NF2: variants seen among roughly 807,000 people sequenced by gnomAD.
NF2 encodes merlin.
In NF2, 8 loss-of-function variants were observed where a neutral mutation model predicts 83.7. The ratio of observed to expected loss-of-function variants is 0.10; its 90% CI spans 0.06 to 0.17. The LOEUF (loss-of-function observed/expected upper bound fraction) is 0.17. NF2 is among the 10% of genes least tolerant of loss of function. The pLI is 1.00. For missense variants in NF2, 533 were observed against 744.4 expected (o/e 0.72, Z 3.31); for synonymous variants, 266 against 269.6 (o/e 0.99, Z 0.13).
chr22:29,673,399 G>T lies in NF2; in HGVS notation c.1253G>T (p.Arg418Leu). 6.2e-7 allele frequency: 1 copy of T among 1,612,272 alleles called. No individual in the cohort carries two copies. Among genetic ancestry groups the T allele is most frequent in the South Asian group, 1.1e-5 (1 of 90,266 alleles). ...CAGCGCATCAAGGCCACAGCGATTC[G>T]CACGGAGGAGGAGAAGCGCCTGATG... is the stretch of plus-strand genomic sequence containing the variant. Reference protein sequence around the residue: ...EMQRIKATAIRTEEEKRLMEQ... With the variant: ...EMQRIKATAILTEEEKRLMEQ... The change falls in exon 12 of 16, where the codon CGC becomes CTC. Residue 418 changes from arginine (R) to leucine (L), a missense_variant. By Grantham distance (102) the Arg-to-Leu change is moderately radical. Coordinates refer to ENST00000338641, the MANE Select transcript of NF2 (RefSeq NM_000268.4).
intron 1 of NF2, among the ~76,000 whole-genome samples, chr22:29,615,388 C>G (rs1024826730): frequency 6.6e-6 from 1 of 152,006 alleles, no homozygotes; most frequent in Non-Finnish European, 1.5e-5. Context: ...GCCTGGGCAA[C>G]AGAGTGAGAC....
chr22:29,644,099 G>T (rs2065904183), intron 4 of NF2, among the ~76,000 whole-genome samples: 1 of 151,970 alleles, frequency 6.6e-6, no homozygotes, highest in South Asian at 2.1e-4. Context: ...TGGCTGCCGG[G>T]CGGAGGGGCT....
intron 4 of NF2, among the ~76,000 whole-genome samples, chr22:29,643,830 C>A (rs1165307706): frequency 6.6e-6 from 1 of 152,174 alleles, no homozygotes; most frequent in African/African-American, 2.4e-5. Flanking sequence ...GGGGTGGTGG[C>A]CGGGCAGAGG....
At chr22:29,617,276 A>G (rs2065105386) in intron 1 of NF2, among the ~76,000 whole-genome samples, 6 of 152,298 alleles carry the variant, frequency 3.9e-5, no homozygotes. Flanking sequence ...TTTGCCAGGA[A>G]AAGCTCTTTT....
At position 29,668,332 on chromosome 22, in the gene NF2, G is replaced by A; in HGVS notation, c.886-1G>A. The A allele has an allele frequency of 6.2e-7, 1 of 1,611,802 alleles. No individual in the cohort carries two copies. The highest frequency in any genetic ancestry group is 8.5e-7 in the Non-Finnish European group (1 of 1,178,034). ...CTTTTTGTCTGCTTCTGTGGCCACA[G>A]ATTCTCCAGCTATGTATCGGGAACC... On this transcript the variant is annotated splice_acceptor_variant, in intron 9 of 15. Transcript: ENST00000338641. LOFTEE classifies it high-confidence loss of function.
chr22:29,636,481 T>C lies in NF2; in HGVS notation c.115-270T>C, dbSNP rs1327990386. 6.6e-6 allele frequency among the ~76,000 whole-genome samples: 1 copy of C among 152,220 alleles called. No individual in the cohort carries two copies. Among genetic ancestry groups the C allele is most frequent in the Non-Finnish European group, 1.5e-5 (1 of 68,044 alleles). On this transcript the variant is annotated intron_variant, in intron 1 of 15. Transcript: ENST00000338641. This position sits in a 1 kb window ranked among gnomAD's most constrained non-coding sequence, Gnocchi z 4.4. ...TGCTTATTTACCAGCTTTCCTAAAT[T>C]AGCAGCTTTGGAGATGTTAAAATCC... is the stretch of plus-strand genomic sequence containing the variant.
At chr22:29,661,489 C>A in intron 8 of NF2, 150 bp downstream of exon 8, 1 of 1,170,138 alleles carries the variant, frequency 8.5e-7, no homozygotes, top group Non-Finnish European at 1.2e-6. Context: ...TTTTCGAAGT[C>A]TTTACAGAAC....
chr22:29,609,049 A>G lies in NF2; in HGVS notation c.114+4937A>G. The stretch of plus-strand genomic sequence containing the variant: ...TGCATGTGATGGTGTCCAAGCCAGA[A>G]CAGTGGGTAAAGCCAATGGCTATAA... On this transcript the variant is annotated intron_variant, in intron 1 of 15. Transcript: ENST00000338641. 4.1e-6 allele frequency: 3 copies of G among 726,938 alleles called. 1 individual carries two copies. The highest frequency in any genetic ancestry group is 5.0e-4 in the Middle Eastern group (2 of 4,036). 45.0% of individuals were successfully genotyped at this position (726,938 alleles called of 1,614,324 possible). A position where few individuals can be genotyped will look rare whatever the true frequency, so the allele number is the denominator to read the frequency against.
chr22:29,678,243 C>T lies in NF2; in HGVS notation c.1494C>T (p.Phe498=), dbSNP rs1060504990. Residue 498 remains phenylalanine, a synonymous_variant, in exon 14 of 16, where the codon TTC becomes TTT. Coordinates refer to ENST00000338641, the MANE Select transcript of NF2 (RefSeq NM_000268.4). Reference sequence around the variant, plus strand: ...CGTTGCCTCCTGACATACCAAGCTTCAACCTCATTGGTGACAGCCTGTCTT... The same window carrying T: ...CGTTGCCTCCTGACATACCAAGCTTTAACCTCATTGGTGACAGCCTGTCTT... ...PAPLPPDIPS[F]NLIGDSLSFD... is the part of the protein sequence containing the mutation. 1.7e-5 allele frequency: 27 copies of T among 1,614,190 alleles called. No homozygotes were observed. Among genetic ancestry groups the T allele is most frequent in the Non-Finnish European group, 2.2e-5 (26 of 1,180,010 alleles).
chr22:29,660,183 A>G (rs2066435685), intron 7 of NF2, among the ~76,000 whole-genome samples: 1 of 152,184 alleles, frequency 6.6e-6, no homozygotes, highest in Non-Finnish European at 1.5e-5. Context: ...ACAGCCACTC[A>G]GTCCGTCGCA....
At chr22:29,678,381 G>A (rs946447273) in intron 14 of NF2, 58 bp downstream of exon 14, 17 of 1,604,224 alleles carry the variant, frequency 1.1e-5, no homozygotes, top group Non-Finnish European at 1.4e-5. Context: ...AGTGATTGGG[G>A]CCTTGGGAAG....
chr22:29,661,164 T>G (rs1356428336), intron 7 of NF2, 41 bp from the exon 8 acceptor site: 10 of 1,613,840 alleles, frequency 6.2e-6, no homozygotes, highest in Non-Finnish European at 8.5e-6. Context: ...ATTTTGAGCC[T>G]CAGCTGGCGC....
At chr22:29,690,574 C>T (rs1448340113) in intron 15 of NF2, among the ~76,000 whole-genome samples, 1 of 152,164 alleles carries the variant, frequency 6.6e-6, no homozygotes, top group Non-Finnish European at 1.5e-5. Context: ...TGAAGATGAA[C>T]AGTCAGATAG....
intron 1 of NF2, among the ~76,000 whole-genome samples, chr22:29,610,207 G>A (rs561293846): frequency 2.0e-5 from 3 of 152,182 alleles, no homozygotes; most frequent in South Asian, 2.1e-4. Context: ...TCAGCTAGGC[G>A]TGGTGGTGTG....
At chr22:29,660,939 C>A (rs903352633) in intron 7 of NF2, among the ~76,000 whole-genome samples, 2 of 152,240 alleles carry the variant, frequency 1.3e-5, no homozygotes, top group Admixed American at 6.5e-5. Context: ...ACTTATGTTA[C>A]TCTTCCTTTA....
intron 4 of NF2, among the ~76,000 whole-genome samples, chr22:29,643,574 A>C (rs1039886304): frequency 6.6e-6 from 1 of 152,232 alleles, no homozygotes; most frequent in African/African-American, 2.4e-5. Context: ...CTGAGTGGAC[A>C]TAGCACATGT....
chr22:29,678,089 G>T (rs2067018581), intron 13 of NF2, 107 bp from the exon 14 acceptor site: 1 of 1,475,746 alleles, frequency 6.8e-7, no homozygotes, highest in African/African-American at 1.4e-5. Flanking sequence ...TGGGACCCGA[G>T]TTGTGCCCAT....
Position 29,681,494 on chromosome 22 carries a change from A to G in NF2, c.1630A>G (p.Thr544Ala), listed in dbSNP as rs762953921. 2 of 1,614,148 alleles carry G rather than the reference A, an allele frequency of 1.2e-6. No homozygotes were observed. Among genetic ancestry groups the G allele is most frequent in the South Asian group, 2.2e-5 (2 of 91,080 alleles). Residue 544 changes from threonine (T) to alanine (A), a missense_variant, in exon 15 of 16, where the codon ACA becomes GCA. Transcript: ENST00000338641. Reference protein sequence around the residue: ...HLQEQLNELKTEIEALKLKER... With the variant: ...HLQEQLNELKAEIEALKLKER... ...GCAGGAGCAGCTCAATGAACTCAAG[A>G]CAGAAATCGAGGCCTTGAAACTGAA...
intron 1 of NF2, among the ~76,000 whole-genome samples, chr22:29,622,646 ATTTTTTTTTTTTT>A (rs35744962): frequency 6.3e-5 from 4 of 63,260 alleles, no homozygotes; most frequent in South Asian, 1.2e-3. Flanking sequence ...AAGACCCTGT[ATTTTTTTTTTTTT>A]TTTTTTTTTT....
Sources: gnomAD v4.1 joint callset for allele counts (sites outside exome capture counted in the v4.1 genomes callset) on GRCh38, gnomAD v4.1.1 for gene constraint, Gnocchi (gnomAD v3.1) non-coding constraint, MANE v1.5 for transcripts, NCBI Gene and HGNC (gene_info 2026-07-23, HGNC 2026-07-21) for gene names.